TMC1: variants seen among roughly 807,000 people sequenced by gnomAD.
TMC1 encodes the protein transmembrane channel-like protein 1.
A neutral mutation model predicts 105.8 loss-of-function variants in TMC1; 84 were observed. The ratio of observed to expected loss-of-function variants is 0.79; its 90% CI spans 0.67 to 0.95. The LOEUF (loss-of-function observed/expected upper bound fraction) is 0.95, where lower values mean the gene tolerates loss of function less well. Among genes scored for constraint, TMC1 ranks in the 40% least tolerant of loss-of-function variants. TMC1 has a pLI of 0.00. For missense variants in TMC1, 817 were observed against 914.1 expected (o/e 0.89, Z 1.37); for synonymous variants, 315 against 311.5 (o/e 1.01, Z -0.12).
intron 2 of TMC1, among the ~76,000 whole-genome samples, chr9:72,609,251 C>G (rs567178437): frequency 6.2e-5 from 9 of 144,444 alleles, no homozygotes; most frequent in African/African-American, 2.4e-4. Context: ...AAAAATTCCT[C>G]AAACTGGCTG....
At chr9:72,624,267 TGGCTAAAGACGGCCC>T (rs1254372086) in intron 3 of TMC1, among the ~76,000 whole-genome samples, 4 of 152,046 alleles carry the variant, frequency 2.6e-5, no homozygotes, top group African/African-American at 9.7e-5. Flanking sequence ...AGAACTGGGG[TGGCTAAAGACGGCCC>T]GGCTAAAAGG....
rs556406146 is a variant in TMC1 at position 72,591,465 on chromosome 9, T to A, written c.-306+13442T>A. 7.8e-4 allele frequency among the ~76,000 whole-genome samples: 119 copies of A among 152,296 alleles called. 1 individual carries two copies. Among genetic ancestry groups the A allele is most frequent in the African/African-American group, 2.8e-3 (118 of 41,556 alleles). On this transcript the variant is annotated intron_variant, in intron 2 of 23. Coordinates refer to ENST00000297784, the MANE Select transcript of TMC1 (RefSeq NM_138691.3). ...ATGGAGAAGAATAATTACAAGGCTATTGCAGTAGCCCGGGTAAGAAGTGAT... is the reference window on the plus strand; with the variant it reads ...ATGGAGAAGAATAATTACAAGGCTAATGCAGTAGCCCGGGTAAGAAGTGAT...
intron 19 of TMC1, 39 bp from the exon 20 acceptor site, chr9:72,820,803 A>T (rs768563093): frequency 1.2e-6 from 2 of 1,613,010 alleles, no homozygotes; most frequent in Non-Finnish European, 1.7e-6. Context: ...GTTATGGAGT[A>T]AAGACTCAAA....
rs1177556415 is a variant in TMC1, at chr9:72,836,887, G to T, written c.*914G>T. 1 of 152,174 alleles carries T rather than the reference G, an allele frequency of 6.6e-6. No individual in the cohort carries two copies. Among genetic ancestry groups the T allele is most frequent in the Non-Finnish European group, 1.5e-5 (1 of 68,044 alleles). The allele number at this position is 152,174 out of a possible 1,614,324, so 9.4% of individuals were successfully genotyped here. A position where few individuals can be genotyped will look rare whatever the true frequency, so the allele number is the denominator to read the frequency against. On this transcript the variant is annotated 3_prime_UTR_variant, in exon 24 of 24. Coordinates refer to ENST00000297784, the MANE Select transcript of TMC1 (RefSeq NM_138691.3). ...TAGGTTTATGGCAGAGGGAGAGAAT[G>T]AGGCAAGTTTTAGAGCAGGAGTGTA...
chr9:72,648,373 T>A (rs1249359403), intron 4 of TMC1, among the ~76,000 whole-genome samples: 4 of 152,242 alleles, frequency 2.6e-5, no homozygotes, highest in Admixed American at 2.6e-4. Context: ...ATATGATCAG[T>A]TTAGTTTTAT....
intron 3 of TMC1, among the ~76,000 whole-genome samples, chr9:72,627,398 T>C (rs894764484): frequency 6.6e-6 from 1 of 152,112 alleles, no homozygotes; most frequent in African/African-American, 2.4e-5. Flanking sequence ...AATGGGTTGC[T>C]AGGAGGCTGC....
intron 1 of TMC1, among the ~76,000 whole-genome samples, chr9:72,563,583 T>C (rs1284816097): frequency 6.6e-6 from 1 of 151,982 alleles, no homozygotes; most frequent in Non-Finnish European, 1.5e-5. Flanking sequence ...GCACTTTTGC[T>C]AAGATGAAGA....
chr9:72,675,530 T>C (rs1826189263), intron 5 of TMC1, among the ~76,000 whole-genome samples: 1 of 152,168 alleles, frequency 6.6e-6, no homozygotes, highest in South Asian at 2.1e-4. Context: ...CAACGTTAAC[T>C]TTCTTTCCTA....
At chr9:72,787,053 A>T (rs1180332328) in intron 13 of TMC1, among the ~76,000 whole-genome samples, 1 of 150,562 alleles carries the variant, frequency 6.6e-6, no homozygotes, top group East Asian at 1.9e-4. Flanking sequence ...ATGGCTTTTC[A>T]TACCTCATGG....
intron 6 of TMC1, among the ~76,000 whole-genome samples, chr9:72,689,132 T>C (rs1231604135): frequency 6.6e-6 from 1 of 152,122 alleles, no homozygotes; most frequent in African/African-American, 2.4e-5. Context: ...GATAGCAGTG[T>C]AGAAATATGA....
At chr9:72,809,583 A>T (rs1171382239) in intron 18 of TMC1, among the ~76,000 whole-genome samples, 4 of 152,218 alleles carry the variant, frequency 2.6e-5, no homozygotes, top group Admixed American at 6.5e-5. Flanking sequence ...GATGTAGAAG[A>T]TGTAGACTTA....
At chr9:72,774,358 TATC>T (rs1429391165) in intron 13 of TMC1, among the ~76,000 whole-genome samples, 2 of 152,140 alleles carry the variant, frequency 1.3e-5, no homozygotes, top group African/African-American at 4.8e-5. Flanking sequence ...TCAAAAGTAT[TATC>T]ATTTTAACGA....
chr9:72,814,498 C>A (rs1354067515), intron 18 of TMC1, among the ~76,000 whole-genome samples: 2 of 152,316 alleles, frequency 1.3e-5, no homozygotes, highest in Admixed American at 6.5e-5. Context: ...TAACGAAACA[C>A]TTTGTAGCTG....
At chr9:72,819,463 G>A (rs912641895) in intron 19 of TMC1, among the ~76,000 whole-genome samples, 1 of 152,114 alleles carries the variant, frequency 6.6e-6, no homozygotes, top group African/African-American at 2.4e-5. Context: ...TTGCTGTCCT[G>A]TAACAAAAGT....
At chr9:72,719,839 G>C (rs1372074549) in intron 8 of TMC1, among the ~76,000 whole-genome samples, 2 of 152,142 alleles carry the variant, frequency 1.3e-5, no homozygotes, top group African/African-American at 4.8e-5. Context: ...CTGCAGAATG[G>C]AGAGTATATA....
At chr9:72,561,317 CAAAAAAAAAA>C (rs375862130) in intron 1 of TMC1, among the ~76,000 whole-genome samples, 1 of 76,412 alleles carries the variant, frequency 1.3e-5, no homozygotes, top group Non-Finnish European at 2.4e-5. Flanking sequence ...GACTCCGTCT[CAAAAAAAAAA>C]AAAAAAAAAA....
intron 4 of TMC1, among the ~76,000 whole-genome samples, chr9:72,645,051 A>C (rs1564464724): frequency 6.6e-6 from 1 of 152,140 alleles, no homozygotes; most frequent in Non-Finnish European, 1.5e-5. Context: ...CAAACAGATA[A>C]CTCATTTTAA....
chr9:72,529,811 G>C (rs905678110), intron 1 of TMC1, among the ~76,000 whole-genome samples: 1 of 152,026 alleles, frequency 6.6e-6, no homozygotes, highest in Non-Finnish European at 1.5e-5. Context: ...CAAATTATGA[G>C]ACTAAACCAG....
chr9:72,729,425 T>C (rs112783334), intron 8 of TMC1, among the ~76,000 whole-genome samples: 1,558 of 152,178 alleles, frequency 0.01, 27 homozygotes, highest in African/African-American at 0.036. Context: ...TTACTGCTTG[T>C]TTTCAGATAG....
Sources: gnomAD v4.1 joint callset for allele counts (sites outside exome capture counted in the v4.1 genomes callset) on GRCh38, gnomAD v4.1.1 for gene constraint, MANE v1.5 for transcripts, NCBI Gene and HGNC (gene_info 2026-07-23, HGNC 2026-07-21) for gene names.